NKAIN2: variants seen among roughly 807,000 people sequenced by gnomAD.
NKAIN2 encodes sodium/potassium-transporting ATPase subunit beta-1-interacting protein 2.
NKAIN2 carries 14 observed loss-of-function variants against 32.6 expected under a neutral mutation model. The observed-to-expected ratio is 0.43, with a 90% CI of 0.28 to 0.67. The LOEUF is 0.67. Among genes scored for constraint, NKAIN2 ranks in the 30% least tolerant of loss-of-function variants. NKAIN2 has a pLI of 0.17. For missense variants in NKAIN2, 198 were observed against 258.3 expected (o/e 0.77, Z 1.60); for synonymous variants, 80 against 87.2 (o/e 0.92, Z 0.46).
chr6:123,938,007 T>G (rs1161832942), intron 1 of NKAIN2, among the ~76,000 whole-genome samples: 2 of 152,114 alleles, frequency 1.3e-5, no homozygotes, highest in Non-Finnish European at 2.9e-5. Context: ...AGGTCAAGAA[T>G]CCCTGAAATC....
At chr6:124,691,116 C>A (rs1369772884) in intron 4 of NKAIN2, among the ~76,000 whole-genome samples, 1 of 152,072 alleles carries the variant, frequency 6.6e-6, no homozygotes, top group Non-Finnish European at 1.5e-5. Flanking sequence ...CCAAATTGTG[C>A]GATAGAAAAC....
chr6:124,346,705 T>C (rs1434173385), intron 2 of NKAIN2, among the ~76,000 whole-genome samples: 2 of 151,448 alleles, frequency 1.3e-5, no homozygotes, highest in African/African-American at 2.4e-5. Context: ...TCCTCCATCC[T>C]TTTATTTTGA....
At chr6:123,894,518 A>C (rs1714653173) in intron 1 of NKAIN2, among the ~76,000 whole-genome samples, 1 of 152,136 alleles carries the variant, frequency 6.6e-6, no homozygotes, top group Non-Finnish European at 1.5e-5. Context: ...GGATCTGTAA[A>C]ACCTGAGAAG....
At chr6:124,202,945 A>G (rs1338728296) in intron 1 of NKAIN2, among the ~76,000 whole-genome samples, 1 of 151,934 alleles carries the variant, frequency 6.6e-6, no homozygotes, top group Non-Finnish European at 1.5e-5. Context: ...GTACTCACTA[A>G]TTTAGCACAA....
At chr6:123,996,688 A>T (rs1252871699) in intron 1 of NKAIN2, among the ~76,000 whole-genome samples, 1 of 152,124 alleles carries the variant, frequency 6.6e-6, no homozygotes, top group African/African-American at 2.4e-5. Flanking sequence ...ATTCTTGTTG[A>T]CATAATAGAT....
At chr6:124,179,293 C>A (rs1481175994) in intron 1 of NKAIN2, among the ~76,000 whole-genome samples, 4 of 152,110 alleles carry the variant, frequency 2.6e-5, no homozygotes, top group Non-Finnish European at 5.9e-5. Context: ...GCTTTGCAGA[C>A]CTTTACTGTC....
chr6:124,190,111 T>C (rs1361713352), intron 1 of NKAIN2, among the ~76,000 whole-genome samples: 1 of 152,222 alleles, frequency 6.6e-6, no homozygotes, highest in African/African-American at 2.4e-5. Context: ...AATTCAGACC[T>C]TGGCCCATAG....
chr6:124,760,671 G>C (rs1778223740), intron 4 of NKAIN2, among the ~76,000 whole-genome samples: 1 of 151,832 alleles, frequency 6.6e-6, no homozygotes, highest in Non-Finnish European at 1.5e-5. Context: ...TCATCATTCA[G>C]GTAAAGAATG....
At chr6:124,690,593 A>C (rs574719972) in intron 4 of NKAIN2, among the ~76,000 whole-genome samples, 2 of 152,166 alleles carry the variant, frequency 1.3e-5, no homozygotes, top group Non-Finnish European at 2.9e-5. Flanking sequence ...TGAACAGTTT[A>C]ACTTACATTT....
chr6:124,730,048 G>T (rs1407614010), intron 4 of NKAIN2, among the ~76,000 whole-genome samples: 27 of 113,790 alleles, frequency 2.4e-4, no homozygotes, highest in South Asian at 1.6e-3. Flanking sequence ...CACTGATCAA[G>T]GAAATAAAAG....
chr6:123,998,021 T>C (rs1399306636), intron 1 of NKAIN2, among the ~76,000 whole-genome samples: 1 of 152,176 alleles, frequency 6.6e-6, no homozygotes, highest in Non-Finnish European at 1.5e-5. Context: ...TTTCCCTCCA[T>C]ACTCCATGAC....
At chr6:124,292,766 AG>A (rs1246423262) in intron 2 of NKAIN2, among the ~76,000 whole-genome samples, 1 of 152,144 alleles carries the variant, frequency 6.6e-6, no homozygotes, top group Non-Finnish European at 1.5e-5. Context: ...AATGTATCCT[AG>A]GCAGACTCTC....
Position 124,758,781 on chromosome 6 carries a change from G to C in NKAIN2, c.475-32558G>C, listed in dbSNP as rs544274455. ...AATGAACTACAAATACCTCAGCCCA[G>C]AATTCAAAGCCTTGTACAATATAGC... is the stretch of plus-strand genomic sequence containing the variant. On this transcript the variant is annotated intron_variant, in intron 4 of 6. Transcript: ENST00000368417. Among the ~76,000 whole-genome samples the C allele has an allele frequency of 9.9e-5, 15 of 152,228 alleles. 1 individual carries two copies. In the South Asian group the frequency reaches 2.9e-3, roughly 29 times the overall value.
chr6:123,965,365 G>A (rs561272702), intron 1 of NKAIN2, among the ~76,000 whole-genome samples: 1 of 152,266 alleles, frequency 6.6e-6, no homozygotes, highest in South Asian at 2.1e-4. Flanking sequence ...AGCATTTAGA[G>A]ATCAAGTTTG....
intron 1 of NKAIN2, among the ~76,000 whole-genome samples, chr6:123,850,578 T>G (rs1054887937): frequency 6.6e-6 from 1 of 152,168 alleles, no homozygotes; most frequent in Non-Finnish European, 1.5e-5. Flanking sequence ...AGTTCACTTC[T>G]AACTTTGTTT....
At chr6:124,567,633 C>T (rs1220561369) in intron 3 of NKAIN2, among the ~76,000 whole-genome samples, 1 of 152,184 alleles carries the variant, frequency 6.6e-6, no homozygotes, top group Non-Finnish European at 1.5e-5. Flanking sequence ...TGGAAGTTGG[C>T]AGGAGCAGCT....
intron 3 of NKAIN2, among the ~76,000 whole-genome samples, chr6:124,494,274 G>C (rs1777983489): frequency 6.6e-6 from 1 of 152,090 alleles, no homozygotes; most frequent in South Asian, 2.1e-4. Flanking sequence ...CTAAATAAAT[G>C]CTGTTGAACG....
chr6:124,302,329 A>G (rs191375108), intron 2 of NKAIN2, among the ~76,000 whole-genome samples: 37 of 152,366 alleles, frequency 2.4e-4, no homozygotes, highest in Admixed American at 1.0e-3. Context: ...GAACAGACTA[A>G]TAGAGTAATC....
At chr6:123,840,896 G>A (rs1442754671) in intron 1 of NKAIN2, among the ~76,000 whole-genome samples, 1 of 152,116 alleles carries the variant, frequency 6.6e-6, no homozygotes, top group East Asian at 1.9e-4. Context: ...GTGTAGTCTA[G>A]ATAGGATTTT....
Sources: allele counts gnomAD v4.1 joint callset (sites outside exome capture counted in the v4.1 genomes callset), GRCh38; gene constraint gnomAD v4.1.1; transcripts MANE v1.5; gene names NCBI Gene and HGNC (gene_info 2026-07-23, HGNC 2026-07-21).